The following DENND5A variants were observed in gnomAD, a reference collection of about 807,000 sequenced individuals.
The protein encoded by DENND5A is DENN domain-containing protein 5A.
In DENND5A, 64 loss-of-function variants were observed where a neutral mutation model predicts 140.3. That is an observed-to-expected ratio of 0.46 (90% CI 0.37 to 0.56). The LOEUF (loss-of-function observed/expected upper bound fraction) is 0.56. Ranked by LOEUF, DENND5A falls within the 20% of genes least tolerant of loss-of-function variation. DENND5A has a pLI of 0.00. For synonymous variants in DENND5A, 605 were observed against 607.7 expected, an observed-to-expected ratio of 1.00 and a Z score of 0.07; for missense variants, 1,292 against 1,593.8, an observed-to-expected ratio of 0.81 and a Z score of 3.22.
At chr11:9,144,021 C>A in intron 19 of DENND5A, 76 bp downstream of exon 19, 2 of 1,510,216 alleles carry the variant, frequency 1.3e-6, no homozygotes, top group Middle Eastern at 1.8e-4. Flanking sequence ...CCCAGGTTCC[C>A]ATTATCAGGG....
intron 16 of DENND5A, 38 bp from the exon 17 acceptor site, chr11:9,145,853 A>G: frequency 6.2e-7 from 1 of 1,611,046 alleles, no homozygotes; most frequent in Non-Finnish European, 8.5e-7. Flanking sequence ...GAGGAGAATT[A>G]GGAATCTTTC....
intron 1 of DENND5A, among the ~76,000 whole-genome samples, chr11:9,238,192 C>T (rs367594738): frequency 3.3e-5 from 5 of 151,844 alleles, no homozygotes; most frequent in South Asian, 2.1e-4. Flanking sequence ...AGCATACTCA[C>T]GATACAGTAT....
At chr11:9,205,943 C>T (rs1849679551) in intron 3 of DENND5A, among the ~76,000 whole-genome samples, 1 of 152,132 alleles carries the variant, frequency 6.6e-6, no homozygotes, top group Non-Finnish European at 1.5e-5. Context: ...AGGTTAAGAG[C>T]AGAGGTCTGG....
intron 1 of DENND5A, among the ~76,000 whole-genome samples, chr11:9,238,197 C>CTCACG (rs1851082822): frequency 6.6e-6 from 1 of 152,148 alleles, no homozygotes; most frequent in East Asian, 1.9e-4. Context: ...ACTCACGATA[C>CTCACG]AGTATCAAGA....
intron 8 of DENND5A, chr11:9,176,914 T>A: frequency 2.2e-6 from 1 of 456,168 alleles, no homozygotes; most frequent in Non-Finnish European, 4.4e-6. Flanking sequence ...TATGAGACAA[T>A]GAAAGTTGTT....
intron 8 of DENND5A, among the ~76,000 whole-genome samples, chr11:9,172,509 G>A (rs1379879815): frequency 6.6e-6 from 1 of 152,180 alleles, no homozygotes; most frequent in Admixed American, 6.5e-5. Context: ...GGGACCCAGT[G>A]GGAGGTAACT....
chr11:9,251,594 A>G (rs182710281), intron 1 of DENND5A, among the ~76,000 whole-genome samples: 4 of 152,336 alleles, frequency 2.6e-5, no homozygotes, highest in East Asian at 3.9e-4. Flanking sequence ...TCTACCACTC[A>G]TAAGACTCAG....
intron 10 of DENND5A, 120 bp from the exon 11 acceptor site, chr11:9,166,087 C>CT (rs369184549): frequency 0.21 from 144,902 of 691,980 alleles, 4,308 homozygotes; most frequent in Middle Eastern, 0.24. Flanking sequence ...TTTTCTTTTT[C>CT]TTTTTTTTTT....
At chr11:9,261,230 T>G (rs1852184655) in intron 1 of DENND5A, among the ~76,000 whole-genome samples, 1 of 152,180 alleles carries the variant, frequency 6.6e-6, no homozygotes, top group Non-Finnish European at 1.5e-5. Flanking sequence ...CGAGCATCTT[T>G]GATTTGCTTA....
intron 8 of DENND5A, among the ~76,000 whole-genome samples, chr11:9,173,217 G>C (rs1233698318): frequency 9.2e-6 from 1 of 109,134 alleles, no homozygotes; most frequent in African/African-American, 3.3e-5. Context: ...TACAAAAGCT[G>C]AAAGAATTCA....
intron 10 of DENND5A, among the ~76,000 whole-genome samples, chr11:9,169,323 G>A (rs1283218055): frequency 6.6e-6 from 1 of 152,022 alleles, no homozygotes; most frequent in African/African-American, 2.4e-5. Flanking sequence ...GGTGGTGCCT[G>A]TAATTCCAGC....
intron 13 of DENND5A, among the ~76,000 whole-genome samples, chr11:9,151,749 A>C (rs1847622558): frequency 6.6e-6 from 1 of 152,222 alleles, no homozygotes; most frequent in African/African-American, 2.4e-5. Flanking sequence ...AGATAAGATG[A>C]CTGGCTCTTG....
In DENND5A at chr11:9,150,073, A is replaced by G. The variant is rs1590208946; in HGVS notation, c.2735+8T>C. 1.9e-6 allele frequency: 3 copies of G among 1,606,452 alleles called. No homozygotes were observed. The African/African-American group carries it at 4.0e-5, about 22-fold the overall frequency. ...AGCCTGCTTCTACTCCTGGCGGAGCAGCCTTACTTGGTGAGCTCATGGTCT... is the reference window on the plus strand; with the variant it reads ...AGCCTGCTTCTACTCCTGGCGGAGCGGCCTTACTTGGTGAGCTCATGGTCT... On this transcript the variant is annotated splice_region_variant and intron_variant, in intron 15 of 22. Transcript: ENST00000328194.
intron 1 of DENND5A, among the ~76,000 whole-genome samples, chr11:9,233,861 G>A (rs964284176): frequency 6.6e-6 from 1 of 152,114 alleles, no homozygotes; most frequent in African/African-American, 2.4e-5. Context: ...CCAGTTTGTG[G>A]TAATTTGTTG....
At chr11:9,141,880 G>A in intron 22 of DENND5A, 60 bp downstream of exon 22, 3 of 1,472,606 alleles carry the variant, frequency 2.0e-6, no homozygotes, top group Non-Finnish European at 2.7e-6. Context: ...ACTGCACCAG[G>A]CCTCCAACAC....
chr11:9,153,370 A>G (rs1279819058), intron 12 of DENND5A, among the ~76,000 whole-genome samples: 7 of 150,970 alleles, frequency 4.6e-5, no homozygotes, highest in Admixed American at 4.6e-4. Flanking sequence ...AAAAAAAAAA[A>G]GAAGCAAATG....
rs59262120 is a variant in DENND5A at position 9,173,966 on chromosome 11, A to C, written c.1907-3189T>G. Among the ~76,000 whole-genome samples the C allele has an allele frequency of 5.3e-3, 798 of 151,854 alleles. 10 individuals are homozygous for C. The highest frequency in any genetic ancestry group is 0.018 in the African/African-American group (757 of 41,486). On this transcript the variant is annotated intron_variant, in intron 8 of 22. Transcript: ENST00000328194. Reference sequence around the variant, plus strand: ...ATACAAAAAATTAGCTGGGCTGCGCAGTGGCGAGCGCCTGTAGTCCCAGCT... The same window carrying C: ...ATACAAAAAATTAGCTGGGCTGCGCCGTGGCGAGCGCCTGTAGTCCCAGCT...
At chr11:9,168,690 CAT>C (rs1848269488) in intron 10 of DENND5A, among the ~76,000 whole-genome samples, 1 of 151,870 alleles carries the variant, frequency 6.6e-6, no homozygotes, top group Admixed American at 6.6e-5. Context: ...GATTCATAAC[CAT>C]ATCTTACAAT....
chr11:9,196,938 G>T (rs1849350076), intron 4 of DENND5A, among the ~76,000 whole-genome samples: 1 of 149,900 alleles, frequency 6.7e-6, no homozygotes, highest in Non-Finnish European at 1.5e-5. Context: ...ATACCATACA[G>T]ATTTCATAGT....
Sources: allele counts gnomAD v4.1 joint callset (sites outside exome capture counted in the v4.1 genomes callset), GRCh38; gene constraint gnomAD v4.1.1; transcripts MANE v1.5; gene names NCBI Gene and HGNC (gene_info 2026-07-23, HGNC 2026-07-21).